NRXN1: variants seen among roughly 807,000 people sequenced by gnomAD.
NRXN1 encodes the protein neurexin-1.
NRXN1 carries 39 observed loss-of-function variants against 150.9 expected under a neutral mutation model. That is an observed-to-expected ratio of 0.26 (90% CI 0.20 to 0.34). The LOEUF is 0.34. NRXN1 is among the 10% of genes least tolerant of loss of function. NRXN1 has a pLI of 1.00. For missense variants in NRXN1, 1,815 were observed against 1,949.9 expected, an observed-to-expected ratio of 0.93 and a Z score of 1.30; for synonymous variants, 924 against 757.0, an observed-to-expected ratio of 1.22 and a Z score of -3.62.
intron 17 of NRXN1, among the ~76,000 whole-genome samples, chr2:50,291,122 A>T (rs1013877238): frequency 3.7e-5 from 5 of 135,350 alleles, no homozygotes; most frequent in African/African-American, 1.4e-4. Flanking sequence ...CCTGGAGTTG[A>T]ACCACAGAAG....
chr2:50,975,166 T>C (rs770248024), intron 2 of NRXN1, among the ~76,000 whole-genome samples: 6 of 152,154 alleles, frequency 3.9e-5, no homozygotes, highest in Non-Finnish European at 7.4e-5. Context: ...ATGTCATCAC[T>C]CTGAGAGATA....
intron 17 of NRXN1, among the ~76,000 whole-genome samples, chr2:50,255,116 T>A (rs555847112): frequency 1.3e-5 from 2 of 152,228 alleles, no homozygotes; most frequent in East Asian, 3.9e-4. Flanking sequence ...CTTATCCACA[T>A]ATGTTTATAA....
chr2:50,621,232 G>T lies in NRXN1; in HGVS notation c.1152C>A (p.His384Gln). ...RNLRQHSGIG[H>Q]AMVTISVDGI... ...AACAATGTAGTTTGTTTACCATAGC[G>T]TGTCCAATGCCTGAGTGCTTTGTGG... Residue 384 changes from histidine (H) to glutamine (Q), a missense_variant, in exon 7 of 23, where the codon CAC becomes CAA. Physicochemically the swap from His to Gln is conservative, Grantham distance 24 (BLOSUM62 0). This residue lies in a region of NRXN1 where 638 missense variants were observed against 652.6 expected (regional missense o/e 0.98). Transcript: ENST00000401669. The T allele has an allele frequency of 6.4e-7, 1 of 1,571,992 alleles. No homozygotes were observed.
rs2091707922 is a variant in NRXN1 at position 50,497,572 on chromosome 2, A to G, written c.2640T>C (p.Ile880=). The G allele has an allele frequency of 6.2e-7, 1 of 1,613,906 alleles. No individual in the cohort carries two copies. Among genetic ancestry groups the G allele is most frequent in the Non-Finnish European group, 8.5e-7 (1 of 1,179,850 alleles). The change falls in exon 14 of 23, where the codon ATT becomes ATC. Residue 880 remains isoleucine (I), a synonymous_variant. Transcript: ENST00000401669. ...CTATGTCGCCATTTTTACACAGGTC[A>G]ATGTATGCCATTCCATTAAATGTCA... ...QSLTFNGMAY[I]DLCKNGDIDY... is the part of the protein sequence containing the mutation.
intron 18 of NRXN1, among the ~76,000 whole-genome samples, chr2:50,116,821 C>T (rs938942097): frequency 7.9e-5 from 12 of 152,134 alleles, no homozygotes; most frequent in African/African-American, 4.8e-5. Flanking sequence ...AAATACTGGA[C>T]TTTAACTACT....
chr2:49,928,890 A>G (rs536318612), intron 22 of NRXN1, among the ~76,000 whole-genome samples: 33 of 152,292 alleles, frequency 2.2e-4, no homozygotes, highest in Admixed American at 1.8e-3. Flanking sequence ...ATTCTGAAGT[A>G]CACTTACGGA....
At chr2:50,124,652 C>G (rs1704318790) in intron 18 of NRXN1, among the ~76,000 whole-genome samples, 1 of 152,124 alleles carries the variant, frequency 6.6e-6, no homozygotes, top group Non-Finnish European at 1.5e-5. Context: ...ACCCCAACCC[C>G]TGACAATCAT....
intron 5 of NRXN1, among the ~76,000 whole-genome samples, chr2:50,798,863 T>TA (rs903285854): frequency 5.3e-5 from 8 of 152,216 alleles, no homozygotes; most frequent in East Asian, 1.9e-4. Flanking sequence ...AAGATCTTGC[T>TA]AAAAAATAAT....
intron 5 of NRXN1, among the ~76,000 whole-genome samples, chr2:50,791,796 C>A (rs985618107): frequency 2.5e-4 from 38 of 151,908 alleles, no homozygotes; most frequent in African/African-American, 8.9e-4. Flanking sequence ...AGAATTATAC[C>A]CTTCACACCA....
At chr2:50,229,739 A>C (rs563191783) in intron 18 of NRXN1, among the ~76,000 whole-genome samples, 13 of 152,216 alleles carry the variant, frequency 8.5e-5, no homozygotes, top group African/African-American at 3.1e-4. Flanking sequence ...GGAACTAATC[A>C]CACACATTAT....
intron 17 of NRXN1, among the ~76,000 whole-genome samples, chr2:50,252,233 C>CTTTTTTTTTTTCTTTTTTTT (rs2067173937): frequency 6.3e-5 from 6 of 94,914 alleles, no homozygotes; most frequent in South Asian, 3.6e-4. Context: ...ACATTTTGTC[C>CTTTTTTTTTTTCTTTTTTTT]TTTTTTTTTT....
intron 5 of NRXN1, among the ~76,000 whole-genome samples, chr2:50,859,256 C>T (rs1476237616): frequency 6.6e-6 from 1 of 151,990 alleles, no homozygotes; most frequent in Admixed American, 6.6e-5. Context: ...TCCAGCAACC[C>T]ACCAGACCTC....
At chr2:50,865,735 T>C (rs960349945) in intron 5 of NRXN1, among the ~76,000 whole-genome samples, 6 of 139,954 alleles carry the variant, frequency 4.3e-5, no homozygotes, top group African/African-American at 1.0e-4. Flanking sequence ...CAGTAAACAT[T>C]TGATAGTTTT....
chr2:50,609,027 G>A (rs903528745), intron 8 of NRXN1, among the ~76,000 whole-genome samples: 1 of 152,008 alleles, frequency 6.6e-6, no homozygotes, highest in Admixed American at 6.6e-5. Flanking sequence ...ATTTAGGATA[G>A]CAAAATGGAA....
chr2:50,450,778 C>G (rs540370010), intron 17 of NRXN1, among the ~76,000 whole-genome samples: 72 of 152,128 alleles, frequency 4.7e-4, no homozygotes, highest in Non-Finnish European at 9.0e-4. Context: ...CAGGTATCAG[C>G]CAGAGAGACA....
At chr2:50,776,665 C>CAG (rs1663505112) in intron 5 of NRXN1, among the ~76,000 whole-genome samples, 1 of 151,516 alleles carries the variant, frequency 6.6e-6, no homozygotes, top group African/African-American at 2.4e-5. Context: ...TACACACACA[C>CAG]ACACACACAC....
In NRXN1 at chr2:50,449,725, C is replaced by T. The variant is rs548440857; in HGVS notation, c.3364+15717G>A. Among the ~76,000 whole-genome samples the T allele has an allele frequency of 3.9e-5, 6 of 152,246 alleles. No homozygotes were observed. The South Asian group carries it at 1.0e-3, about 26-fold the overall frequency. On this transcript the variant is annotated intron_variant, in intron 17 of 22. Transcript: ENST00000401669. ...GGTATTAAATTACTTCATAAATTGT[C>T]CCATAATGATCTGTACATGTCAGGC...
intron 5 of NRXN1, among the ~76,000 whole-genome samples, chr2:50,636,109 G>C (rs1040128819): frequency 6.6e-6 from 1 of 152,016 alleles, no homozygotes; most frequent in Non-Finnish European, 1.5e-5. Flanking sequence ...GGAGCACTTG[G>C]TTAATTAAGG....
chr2:50,540,651 A>C (rs1049386007), intron 9 of NRXN1, among the ~76,000 whole-genome samples: 1 of 152,058 alleles, frequency 6.6e-6, no homozygotes, highest in Non-Finnish European at 1.5e-5. Flanking sequence ...GCAATGAACA[A>C]AGTGCCATGT....
Sources: allele counts gnomAD v4.1 joint callset (sites outside exome capture counted in the v4.1 genomes callset), GRCh38; gene constraint gnomAD v4.1.1; regional missense constraint gnomAD v4.1.1; transcripts MANE v1.5; gene names NCBI Gene and HGNC (gene_info 2026-07-23, HGNC 2026-07-21).